The following ZNF292 variants were observed in gnomAD, a reference collection of about 807,000 sequenced individuals.
The protein encoded by ZNF292 is zinc finger protein 292, also known as 16 zinc-finger domain protein.
ZNF292 carries 26 observed loss-of-function variants against 217.9 expected under a neutral mutation model. That is an observed-to-expected ratio of 0.12 (90% CI 0.09 to 0.17). The LOEUF is 0.17. ZNF292 is among the 10% of genes least tolerant of loss of function. The pLI, the probability that ZNF292 is intolerant of heterozygous loss-of-function variation, is 1.00. For synonymous variants in ZNF292, 1,257 were observed against 1,124.1 expected, an observed-to-expected ratio of 1.12 and a Z score of -2.37; for missense variants, 2,904 against 3,175.2, an observed-to-expected ratio of 0.91 and a Z score of 2.05.
intron 5 of ZNF292, among the ~76,000 whole-genome samples, chr6:87,239,211 G>T (rs1402450207): frequency 6.6e-6 from 1 of 152,236 alleles, no homozygotes; most frequent in East Asian, 1.9e-4. Flanking sequence ...TCCCAGACGG[G>T]GTGGCGGCCG....
At chr6:87,176,556 A>G (rs1771302579) in intron 1 of ZNF292, among the ~76,000 whole-genome samples, 1 of 152,152 alleles carries the variant, frequency 6.6e-6, no homozygotes, top group African/African-American at 2.4e-5. Context: ...TGCTTCTGCT[A>G]CTTTCTCAAA....
Position 87,240,116 on chromosome 6 carries a change from A to G in ZNF292, c.742-3359A>G, listed in dbSNP as rs557139281. Among the ~76,000 whole-genome samples the G allele has an allele frequency of 9.5e-3, 1,438 of 151,674 alleles. 19 individuals are homozygous for G. The highest frequency in any genetic ancestry group is 0.033 in the African/African-American group (1,354 of 41,318). ...TGCAATCCCGGCACCTCGGGAGGCC[A>G]AGGCTGGCAGATCACTCGCGGTTAG... On this transcript the variant is annotated intron_variant, in intron 5 of 7. Coordinates refer to ENST00000369577, the MANE Select transcript of ZNF292 (RefSeq NM_015021.3).
At chr6:87,204,611 TG>T (rs1316280524) in intron 1 of ZNF292, among the ~76,000 whole-genome samples, 1 of 130,196 alleles carries the variant, frequency 7.7e-6, no homozygotes, top group East Asian at 2.6e-4. Context: ...TCGCCCAGGC[TG>T]GAGTGCAATG....
intron 4 of ZNF292, chr6:87,222,698 CT>C: frequency 2.5e-6 from 1 of 406,086 alleles, no homozygotes; most frequent in South Asian, 1.8e-5. Flanking sequence ...AATATTTATA[CT>C]TTGTTATTAA....
rs367813292 is a variant in ZNF292, at chr6:87,256,408, A to C, written c.2779A>C (p.Thr927Pro). 60 of 1,607,122 alleles carry C rather than the reference A, an allele frequency of 3.7e-5. No individual in the cohort carries two copies. The Admixed American group carries it at 8.0e-4, about 21-fold the overall frequency. Reference sequence around the variant, plus strand: ...AAATGGTTTGGAAAACCCTGCTACTACTCCTCTACTTCAATCCAGTGAAGT... The same window carrying C: ...AAATGGTTTGGAAAACCCTGCTACTCCTCCTCTACTTCAATCCAGTGAAGT... ...LSNGLENPAT[T>P]PLLQSSEVAV... Residue 927 changes from threonine (T) to proline (P), a missense_variant, in exon 8 of 8, where the codon ACT becomes CCT. Physicochemically the swap from Thr to Pro is conservative, Grantham distance 38. Coordinates refer to ENST00000369577, the MANE Select transcript of ZNF292 (RefSeq NM_015021.3).
At chr6:87,185,418 T>G (rs1232342831) in intron 1 of ZNF292, among the ~76,000 whole-genome samples, 2 of 152,236 alleles carry the variant, frequency 1.3e-5, no homozygotes, top group African/African-American at 4.8e-5. Context: ...GTGTCACAAT[T>G]TAATTAATAC....
rs1775325220 is a variant in ZNF292 at position 87,257,949 on chromosome 6, T to C, written c.4320T>C (p.Ser1440=). 3.7e-6 allele frequency: 6 copies of C among 1,613,954 alleles called. No homozygotes were observed. The highest frequency in any genetic ancestry group is 4.2e-6 in the Non-Finnish European group (5 of 1,179,846). Reference sequence around the variant, plus strand: ...TAAATTTGCAGCAGCCACAACAATCTACCTTCAATCCAGAAGCATGTTTTA... The same window carrying C: ...TAAATTTGCAGCAGCCACAACAATCCACCTTCAATCCAGAAGCATGTTTTA... ...NAVNLQQPQQ[S]TFNPEACFKD... Residue 1440 remains serine, a synonymous_variant, in exon 8 of 8, where the codon TCT becomes TCC. Transcript: ENST00000369577.
intron 1 of ZNF292, among the ~76,000 whole-genome samples, chr6:87,197,546 C>G (rs1030263613): frequency 1.3e-5 from 2 of 150,866 alleles, no homozygotes; most frequent in African/African-American, 4.9e-5. Context: ...ACCAGTCTGG[C>G]CAACAGGGTG....
At chr6:87,210,869 C>G (rs1772452426) in intron 1 of ZNF292, among the ~76,000 whole-genome samples, 1 of 152,184 alleles carries the variant, frequency 6.6e-6, no homozygotes, top group African/African-American at 2.4e-5. Flanking sequence ...TGGGTCATCA[C>G]TCAGCCCTAG....
Position 87,261,670 on chromosome 6 carries a change from G to C in ZNF292, c.8041G>C (p.Val2681Leu), listed in dbSNP as rs944989896. The change falls in exon 8 of 8, where the codon GTC (valine) becomes CTC (leucine). Residue 2681 changes from valine (V) to leucine (L), a missense_variant. Around this residue, in one of 15 missense-constraint regions of ZNF292, gnomAD observed 380 missense variants for 355.3 expected, o/e 1.07. Coordinates refer to ENST00000369577, the MANE Select transcript of ZNF292 (RefSeq NM_015021.3). ...DKNLKDCTEL[V>L]LKQLQEMKPT... is the part of the protein sequence containing the mutation. ...GAATCTTAAAGATTGCACTGAGCTT[G>C]TCTTAAAGCAACTTCAGGAAATGAA... The C allele has an allele frequency of 1.2e-6, 2 of 1,612,720 alleles. No individual in the cohort carries two copies. The highest frequency in any genetic ancestry group is 1.3e-5 in the African/African-American group (1 of 74,870).
chr6:87,174,246 G>A (rs1771205336), intron 1 of ZNF292: 1 of 153,138 alleles, frequency 6.5e-6, no homozygotes, highest in South Asian at 2.0e-4. Context: ...GGAAGGACAT[G>A]TTCAGCCTGC....
chr6:87,246,652 G>T (rs1251405684), intron 7 of ZNF292, among the ~76,000 whole-genome samples: 1 of 151,980 alleles, frequency 6.6e-6, no homozygotes, highest in Non-Finnish European at 1.5e-5. Context: ...ATGACTTGAG[G>T]TCAGAAGTTT....
At chr6:87,238,995 G>C (rs541532763) in intron 5 of ZNF292, among the ~76,000 whole-genome samples, 1 of 151,548 alleles carries the variant, frequency 6.6e-6, no homozygotes, top group Non-Finnish European at 1.5e-5. Flanking sequence ...CACCAGGTTG[G>C]GGGTAAGGTC....
chr6:87,156,794 A>T (rs1362740456), intron 1 of ZNF292, among the ~76,000 whole-genome samples: 1 of 152,240 alleles, frequency 6.6e-6, no homozygotes, highest in Admixed American at 6.5e-5. Flanking sequence ...CCATGGTGAA[A>T]ATCGGAGAGT....
intron 1 of ZNF292, chr6:87,169,835 A>G: frequency 1.1e-5 from 3 of 281,638 alleles, no homozygotes; most frequent in South Asian, 5.5e-5. Context: ...TTTAGTGGAG[A>G]CAGGGTTTTG....
At chr6:87,156,047 T>C (rs1187276028) in intron 1 of ZNF292, among the ~76,000 whole-genome samples, 2 of 152,194 alleles carry the variant, frequency 1.3e-5, no homozygotes, top group Admixed American at 6.5e-5. Flanking sequence ...GCTGAGGAAA[T>C]GTACACGGTG....
Position 87,265,398 on chromosome 6 carries a change from T to G in ZNF292, c.*3597T>G, listed in dbSNP as rs970151139. Among the ~76,000 whole-genome samples, 1 of 152,176 alleles carries G rather than the reference T, an allele frequency of 6.6e-6. No individual in the cohort carries two copies. The highest frequency in any genetic ancestry group is 2.4e-5 in the African/African-American group (1 of 41,428). ...ACCACCACACCTGGCTGATTTTATA[T>G]TTTTAGTAGAGACGGTTTCACCATG... On this transcript the variant is annotated 3_prime_UTR_variant, in exon 8 of 8. Transcript: ENST00000369577.
intron 1 of ZNF292, among the ~76,000 whole-genome samples, chr6:87,180,198 C>T (rs921097822): frequency 3.9e-5 from 6 of 152,194 alleles, no homozygotes; most frequent in Admixed American, 1.3e-4. Context: ...ACCTTATTTA[C>T]AAATTTGCAT....
intron 1 of ZNF292, among the ~76,000 whole-genome samples, chr6:87,164,332 G>A (rs890616604): frequency 6.6e-6 from 1 of 152,160 alleles, no homozygotes; most frequent in Non-Finnish European, 1.5e-5. Flanking sequence ...CATCAAGAGA[G>A]TAAGTTCTTT....
Sources: gnomAD v4.1 joint callset for allele counts (sites outside exome capture counted in the v4.1 genomes callset) on GRCh38, gnomAD v4.1.1 for gene constraint, gnomAD v4.1.1 regional missense constraint, MANE v1.5 for transcripts, NCBI Gene and HGNC (gene_info 2026-07-23, HGNC 2026-07-21) for gene names.